DMXL1: variants seen among roughly 807,000 people sequenced by gnomAD.
DMXL1 encodes the protein dmX-like protein 1.
A neutral mutation model predicts 319.2 loss-of-function variants in DMXL1; 99 were observed. The observed-to-expected ratio is 0.31, with a 90% CI of 0.26 to 0.37. The LOEUF (loss-of-function observed/expected upper bound fraction) is 0.37, where lower values mean the gene tolerates loss of function less well. Ranked by LOEUF, DMXL1 falls within the 10% of genes least tolerant of loss-of-function variation. DMXL1 has a pLI of 1.00. For synonymous variants in DMXL1, 1,385 were observed against 1,235.2 expected (o/e 1.12, Z -2.54); for missense variants, 3,745 against 3,595.6 (o/e 1.04, Z -1.06).
intron 6 of DMXL1, among the ~76,000 whole-genome samples, chr5:119,115,133 A>T (rs989768513): frequency 1.3e-5 from 2 of 150,936 alleles, no homozygotes; most frequent in South Asian, 4.1e-4. Context: ...TTCTTTTCTC[A>T]TGTGTAATAT....
Position 119,240,459 on chromosome 5 carries a change from A to G in DMXL1, c.8692A>G (p.Ser2898Gly). Residue 2898 changes from serine (S) to glycine (G), a missense_variant, in exon 42 of 44, where the codon AGT becomes GGT. Around this residue, in one of 4 missense-constraint regions of DMXL1, gnomAD observed 262 missense variants for 320.5 expected, o/e 0.82. Transcript: ENST00000539542. ...GGATACTCTTGTAGCACCTGCCAATAGTTTAGTCCATGGTAAGTTTTCAAA... is the reference window on the plus strand; with the variant it reads ...GGATACTCTTGTAGCACCTGCCAATGGTTTAGTCCATGGTAAGTTTTCAAA... The part of the protein sequence containing the change: ...LWDTLVAPAN[S>G]LVHAFTCHDS... The G allele has an allele frequency of 6.2e-7, 1 of 1,605,956 alleles. No individual in the cohort carries two copies.
rs538073871 is a variant in DMXL1, at chr5:119,101,873, C to CT, written c.214-55dup. ...TAAAGTTATAGTATTCATTTCTTTG[C>CT]TTTTTTTGATTCATAAGTAAGTTAA... is the stretch of plus-strand genomic sequence containing the variant. On this transcript the variant is annotated intron_variant, in intron 2 of 43. Transcript: ENST00000539542. The CT allele has an allele frequency of 7.0e-5, 79 of 1,129,230 alleles. No individual in the cohort carries two copies. In the East Asian group the frequency reaches 1.2e-3, roughly 18 times the overall value. 70.0% of individuals were successfully genotyped at this position (1,129,230 alleles called of 1,614,324 possible).
intron 1 of DMXL1, among the ~76,000 whole-genome samples, chr5:119,079,321 C>A (rs1051641961): frequency 6.6e-6 from 1 of 152,186 alleles, no homozygotes; most frequent in African/African-American, 2.4e-5. Context: ...AAATAAATGT[C>A]CCCCAGAATT....
intron 8 of DMXL1, 64 bp from the exon 9 acceptor site, chr5:119,120,904 CATT>C (rs1217169340): frequency 2.5e-4 from 311 of 1,235,884 alleles, no homozygotes; most frequent in Admixed American, 2.0e-3. Flanking sequence ...TTCTGACAAT[CATT>C]ATATAACCTA....
chr5:119,131,510 CT>C (rs1764891178), intron 10 of DMXL1, among the ~76,000 whole-genome samples: 1 of 152,124 alleles, frequency 6.6e-6, no homozygotes, highest in Admixed American at 6.5e-5. Context: ...AAACCTGGTA[CT>C]TTAGAGATAA....
Position 119,075,782 on chromosome 5 carries a change from G to A in DMXL1, c.87+4126G>A, listed in dbSNP as rs185106594. Among the ~76,000 whole-genome samples, 8 of 151,506 alleles carry A rather than the reference G, an allele frequency of 5.3e-5. No homozygotes were observed. The East Asian group carries it at 1.6e-3, about 29-fold the overall frequency. ...GTCTCCTTATGTTGCCCAGGCTGATGTCTAACTCCTGGGCTCAAGTGATCC... is the reference window on the plus strand; with the variant it reads ...GTCTCCTTATGTTGCCCAGGCTGATATCTAACTCCTGGGCTCAAGTGATCC... On this transcript the variant is annotated intron_variant, in intron 1 of 43. Transcript: ENST00000539542.
At chr5:119,111,078 C>T (rs1372860894) in intron 5 of DMXL1, among the ~76,000 whole-genome samples, 1 of 152,144 alleles carries the variant, frequency 6.6e-6, no homozygotes, top group African/African-American at 2.4e-5. Context: ...TGTGAGCCAC[C>T]GTGCTCAGCC....
intron 7 of DMXL1, among the ~76,000 whole-genome samples, chr5:119,118,253 T>C (rs1230573289): frequency 6.6e-6 from 1 of 152,218 alleles, no homozygotes; most frequent in Non-Finnish European, 1.5e-5. Flanking sequence ...AGAGAATAAG[T>C]GTACTCAGTA....
At chr5:119,078,458 T>C (rs1013465537) in intron 1 of DMXL1, among the ~76,000 whole-genome samples, 4 of 152,188 alleles carry the variant, frequency 2.6e-5, no homozygotes, top group Non-Finnish European at 5.9e-5. Context: ...ATTTATTTTA[T>C]TTATTTTTTT....
intron 8 of DMXL1, 62 bp downstream of exon 8, chr5:119,119,066 G>GTATAACT: frequency 9.0e-7 from 1 of 1,109,772 alleles, no homozygotes; most frequent in Non-Finnish European, 1.3e-6. Context: ...TTGCCTTTTT[G>GTATAACT]GTAACACAGT....
intron 25 of DMXL1, among the ~76,000 whole-genome samples, chr5:119,172,646 A>G (rs1774819018): frequency 6.6e-6 from 1 of 152,194 alleles, no homozygotes; most frequent in South Asian, 2.1e-4. Flanking sequence ...ATCTGCTGTT[A>G]ATGTCATATT....
intron 1 of DMXL1, among the ~76,000 whole-genome samples, chr5:119,073,018 T>A (rs1229177013): frequency 1.3e-5 from 2 of 152,210 alleles, no homozygotes; most frequent in African/African-American, 4.8e-5. Flanking sequence ...TGTCATTTCC[T>A]AAATTTATAT....
chr5:119,102,901 A>C (rs1182879842), intron 3 of DMXL1, among the ~76,000 whole-genome samples: 1 of 152,136 alleles, frequency 6.6e-6, no homozygotes, highest in East Asian at 1.9e-4. Flanking sequence ...ACAAGGAAAC[A>C]ACAGACACTG....
chr5:119,242,491 T>C (rs1789009232), intron 42 of DMXL1, among the ~76,000 whole-genome samples: 1 of 152,108 alleles, frequency 6.6e-6, no homozygotes, highest in African/African-American at 2.4e-5. Flanking sequence ...TGAGTGATAC[T>C]CCACATTCAC....
intron 9 of DMXL1, chr5:119,127,855 C>G (rs1161730098): frequency 3.1e-6 from 1 of 321,428 alleles, no homozygotes; most frequent in Non-Finnish European, 6.3e-6. Flanking sequence ...ATTGGCATTT[C>G]TCTGGTATCA....
At chr5:119,135,702 C>T (rs775560660) in intron 13 of DMXL1, among the ~76,000 whole-genome samples, 1 of 152,166 alleles carries the variant, frequency 6.6e-6, no homozygotes, top group Admixed American at 6.6e-5. Flanking sequence ...GCAGTTTCCC[C>T]TGTGCACGTG....
At chr5:119,121,996 G>T (rs1408477226) in intron 9 of DMXL1, among the ~76,000 whole-genome samples, 4 of 146,032 alleles carry the variant, frequency 2.7e-5, no homozygotes, top group African/African-American at 7.6e-5. Context: ...CCGGGCAGAG[G>T]CGCCCCTCAC....
rs931168098 is a variant in DMXL1, at chr5:119,149,211, T to G, written c.3384T>G (p.Ser1128Arg). ...ATAAACAAGACATGTATTTATCTAG[T>G]AAAGAGAATATCACATCAAACACAA... ...AYNKQDMYLS[S>R]KENITSNTKH... is the part of the protein sequence containing the mutation. Residue 1128 changes from serine (S) to arginine (R), a missense_variant, in exon 18 of 44, where the codon AGT becomes AGG. Ser to Arg is a moderately radical substitution (Grantham distance 110). This residue lies in a region of DMXL1 where 2,096 missense variants were observed against 1,985.4 expected (regional missense o/e 1.06). Coordinates refer to ENST00000539542, the MANE Select transcript of DMXL1 (RefSeq NM_001290321.3). 1 of 1,613,754 alleles carries G rather than the reference T, an allele frequency of 6.2e-7. No individual in the cohort carries two copies. The highest frequency in any genetic ancestry group is 1.1e-5 in the South Asian group (1 of 91,088).
Position 119,165,254 on chromosome 5 carries a change from G to C in DMXL1, c.4944G>C (p.Lys1648Asn). 1 of 1,416,932 alleles carries C rather than the reference G, an allele frequency of 7.1e-7. No individual in the cohort carries two copies. Among genetic ancestry groups the C allele is most frequent in the Non-Finnish European group, 9.5e-7 (1 of 1,057,870 alleles). The allele number at this position is 1,416,932 out of a possible 1,614,324, so 87.8% of individuals were successfully genotyped here. A position where few individuals can be genotyped will look rare whatever the true frequency, so the allele number is the denominator to read the frequency against. Residue 1648 changes from lysine (K) to asparagine (N), a missense_variant, in exon 21 of 44, where the codon AAG becomes AAC. Transcript: ENST00000539542. Reference sequence around the variant, plus strand: ...CCATTTTTTACCTTGCAATGAAAAAGAAAGCTGTGATTTGGGGATTATATA... The same window carrying C: ...CCATTTTTTACCTTGCAATGAAAAACAAAGCTGTGATTTGGGGATTATATA... ...DAAIFYLAMK[K>N]KAVIWGLYRA...
Sources: allele counts gnomAD v4.1 joint callset (sites outside exome capture counted in the v4.1 genomes callset), GRCh38; gene constraint gnomAD v4.1.1; regional missense constraint gnomAD v4.1.1; transcripts MANE v1.5; gene names NCBI Gene and HGNC (gene_info 2026-07-23, HGNC 2026-07-21).